Variants in TRIM61 observed in about 807,000 individuals in gnomAD.
The protein encoded by TRIM61 is putative tripartite motif-containing protein 61.
TRIM61 carries 1 observed loss-of-function variant against 14.2 expected under a neutral mutation model. That is an observed-to-expected ratio of 0.07 (90% CI 0.03 to 0.33). The LOEUF is 0.33. Among genes scored for constraint, TRIM61 ranks in the 10% least tolerant of loss-of-function variants. The pLI, the probability that TRIM61 is intolerant of heterozygous loss-of-function variation, is 0.99. For synonymous variants in TRIM61, 8 were observed against 71.6 expected (o/e 0.11, Z 4.49); for missense variants, 19 against 202.2 (o/e 0.09, Z 5.49).
intron 3 of TRIM61, chr4:164,969,187 T>A (rs1732304733): frequency 1.6e-6 from 2 of 1,229,586 alleles, no homozygotes; most frequent in African/African-American, 3.1e-5. Context: ...CATATTTTTT[T>A]AATTTGAATA....
intron 3 of TRIM61, among the ~76,000 whole-genome samples, chr4:164,966,948 A>G (rs1221069253): frequency 6.6e-6 from 1 of 152,080 alleles, no homozygotes; most frequent in Non-Finnish European, 1.5e-5. Context: ...AAAAATAAAA[A>G]GAGAAAAATG....
At chr4:164,957,238 G>A in intron 3 of TRIM61, 1 of 1,604,290 alleles carries the variant, frequency 6.2e-7, no homozygotes, top group Non-Finnish European at 8.5e-7. Context: ...TCCAACAGCG[G>A]TCGCTCCACC....
intron 3 of TRIM61, chr4:164,957,180 GC>G (rs1394176519): frequency 1.9e-6 from 3 of 1,612,904 alleles, no homozygotes; most frequent in Admixed American, 3.3e-5. Context: ...ACCGGCGGCC[GC>G]CATGGCAGTG....
At chr4:164,974,900 T>A (rs529385691) in intron 2 of TRIM61, among the ~76,000 whole-genome samples, 1 of 152,136 alleles carries the variant, frequency 6.6e-6, no homozygotes, top group South Asian at 2.1e-4. Flanking sequence ...TTGCATAGGG[T>A]GCTCAGAGAT....
At chr4:164,969,179 T>C in intron 3 of TRIM61, 8 of 1,216,366 alleles carry the variant, frequency 6.6e-6, no homozygotes, top group Non-Finnish European at 8.2e-6. Context: ...ATGGTAACCA[T>C]ATTTTTTTAA....
At chr4:164,957,190 T>G (rs949616470) in intron 3 of TRIM61, 13 of 1,613,666 alleles carry the variant, frequency 8.1e-6, no homozygotes, top group Non-Finnish European at 1.1e-5. Context: ...GCCATGGCAG[T>G]GTCTCTTTGC....
At chr4:164,964,078 G>T (rs972206690) in intron 3 of TRIM61, among the ~76,000 whole-genome samples, 1 of 151,758 alleles carries the variant, frequency 6.6e-6, no homozygotes, top group African/African-American at 2.4e-5. Context: ...GGCCGGGCGC[G>T]GTGGCTCATG....
rs189519945 is a variant in TRIM61 at position 164,971,554 on chromosome 4, G to A, written c.-337-1215C>T. On this transcript the variant is annotated intron_variant, in intron 2 of 4. Coordinates refer to ENST00000329314, the MANE Select transcript of TRIM61 (RefSeq NM_001012414.3). Reference sequence around the variant, plus strand: ...TGTGGTGAGTGGAGATCGTACCATCGCACTCCAGCCTGGGTGACAGAGGGA... The same window carrying A: ...TGTGGTGAGTGGAGATCGTACCATCACACTCCAGCCTGGGTGACAGAGGGA... Among the ~76,000 whole-genome samples, 742 of 149,106 alleles carry A rather than the reference G, an allele frequency of 5.0e-3. 5 individuals are homozygous for A. Among genetic ancestry groups the A allele is most frequent in the African/African-American group, 0.018 (714 of 40,316 alleles).
chr4:164,961,153 C>CAAAAAGAAAAAAAAAAAAAAAAAAAAA (rs1732123609), intron 3 of TRIM61, among the ~76,000 whole-genome samples: 1 of 31,718 alleles, frequency 3.2e-5, no homozygotes, highest in African/African-American at 1.1e-4. Context: ...AACTCTCAGG[C>CAAAAAGAAAAAAAAAAAAAAAAAAAAA]AAAAAAAAAA....
At chr4:164,961,585 A>C (rs899687156) in intron 3 of TRIM61, among the ~76,000 whole-genome samples, 3 of 152,052 alleles carry the variant, frequency 2.0e-5, no homozygotes, top group Non-Finnish European at 2.9e-5. Context: ...AGAGCAGAAG[A>C]AATATTTGAA....
In TRIM61 at chr4:164,968,975, T is replaced by C; in HGVS notation, c.525+503A>G. On this transcript the variant is annotated intron_variant, in intron 3 of 4. Transcript: ENST00000329314. ...GTACTGCCTGCCACAACTATATCCC[T>C]TAGAACCCAGAACAGCTGGGAGGAG... 5.9e-6 allele frequency: 6 copies of C among 1,024,500 alleles called. No individual in the cohort carries two copies. The African/African-American group carries it at 8.7e-5, about 15-fold the overall frequency. The allele number at this position is 1,024,500 out of a possible 1,614,324, so 63.5% of individuals were successfully genotyped here. A position where few individuals can be genotyped will look rare whatever the true frequency, so the allele number is the denominator to read the frequency against.
intron 3 of TRIM61, among the ~76,000 whole-genome samples, chr4:164,962,902 T>C (rs1732167503): frequency 6.6e-6 from 1 of 152,080 alleles, no homozygotes; most frequent in Non-Finnish European, 1.5e-5. Context: ...TCAGTGAGAA[T>C]TGGGAATATA....
At chr4:164,975,001 G>A (rs1348139221) in intron 2 of TRIM61, among the ~76,000 whole-genome samples, 1 of 152,090 alleles carries the variant, frequency 6.6e-6, no homozygotes, top group Admixed American at 6.5e-5. Flanking sequence ...GGGAGGCCAA[G>A]GCAGGCAGAT....
intron 3 of TRIM61, among the ~76,000 whole-genome samples, chr4:164,965,497 G>C (rs1277618815): frequency 6.9e-6 from 1 of 144,902 alleles, no homozygotes; most frequent in Admixed American, 7.0e-5. Context: ...GCAGTGGCGC[G>C]ATCTCGGCTC....
intron 3 of TRIM61, among the ~76,000 whole-genome samples, chr4:164,961,365 G>A (rs1005804865): frequency 6.6e-6 from 1 of 151,644 alleles, no homozygotes; most frequent in African/African-American, 2.4e-5. Context: ...GGGCTCATTA[G>A]TACCCTTAAC....
intron 3 of TRIM61, among the ~76,000 whole-genome samples, chr4:164,962,528 C>A (rs996964930): frequency 6.6e-6 from 1 of 151,882 alleles, no homozygotes; most frequent in African/African-American, 2.4e-5. Flanking sequence ...CAGGCGTGAG[C>A]CACTGCGCCC....
intron 3 of TRIM61, chr4:164,958,388 T>C (rs140689608): frequency 6.6e-5 from 11 of 167,164 alleles, no homozygotes; most frequent in Admixed American, 3.9e-4. Context: ...TTTCTTCAAG[T>C]GATATTTTTA....
At chr4:164,957,381 C>T (rs1426523939) in intron 3 of TRIM61, 3 of 1,613,960 alleles carry the variant, frequency 1.9e-6, no homozygotes, top group Non-Finnish European at 2.5e-6. Context: ...TCAGAAGGAC[C>T]ACCAGGAAAA....
At chr4:164,965,782 A>G (rs1316905882) in intron 3 of TRIM61, among the ~76,000 whole-genome samples, 1 of 143,700 alleles carries the variant, frequency 7.0e-6, no homozygotes, top group African/African-American at 2.5e-5. Context: ...GTATTTCCCA[A>G]TTTAAAAGGT....
Sources: allele counts gnomAD v4.1 joint callset (sites outside exome capture counted in the v4.1 genomes callset), GRCh38; gene constraint gnomAD v4.1.1; transcripts MANE v1.5; gene names NCBI Gene and HGNC (gene_info 2026-07-23, HGNC 2026-07-21).